Variants in ZC3H12B observed in about 807,000 individuals in gnomAD.
ZC3H12B encodes probable ribonuclease ZC3H12B.
In ZC3H12B, 7 loss-of-function variants were observed where a neutral mutation model predicts 43.9. The ratio of observed to expected loss-of-function variants is 0.16; its 90% CI spans 0.09 to 0.30. The LOEUF (loss-of-function observed/expected upper bound fraction) is 0.30, where lower values mean the gene tolerates loss of function less well. ZC3H12B is among the 10% of genes least tolerant of loss of function. ZC3H12B has a pLI of 1.00. For missense variants in ZC3H12B, 475 were observed against 670.2 expected (o/e 0.71, Z 3.22); for synonymous variants, 222 against 241.7 (o/e 0.92, Z 0.76).
At chrX:65,444,195 A>G (rs1284199971) in intron 3 of ZC3H12B, among the ~76,000 whole-genome samples, 2 of 112,062 alleles carry the variant, frequency 1.8e-5, no homozygotes, top group African/African-American at 6.5e-5. Flanking sequence ...TGAGACTGCC[A>G]TGAGGCTTGC....
the ZC3H12B span, among the ~76,000 whole-genome samples, chrX:65,086,106 A>C: frequency 9.8e-6 from 1 of 102,305 alleles, no homozygotes; most frequent in Non-Finnish European, 2.0e-5. Context: ...TTTATCTGTC[A>C]TGTCTTTTTG....
At chrX:65,214,030 A>G in the ZC3H12B span, among the ~76,000 whole-genome samples, 1 of 111,271 alleles carries the variant, frequency 9.0e-6, no homozygotes, top group Non-Finnish European at 1.9e-5. Context: ...TTAGTGTGAA[A>G]TAGCATTGTG....
At chrX:65,329,631 A>T in the ZC3H12B span, among the ~76,000 whole-genome samples, 1 of 110,504 alleles carries the variant, frequency 9.0e-6, no homozygotes, top group Non-Finnish European at 1.9e-5. Context: ...GCCCATGCCT[A>T]TGTCCTGAAT....
exon 1 of ZC3H12B, chrX:65,366,709 C>A (rs1003137703): frequency 7.1e-5 from 8 of 111,937 alleles, no homozygotes; most frequent in African/African-American, 2.6e-4. Context: ...CCAGGTGATA[C>A]TTGAAAGAAG....
intron 4 of ZC3H12B, among the ~76,000 whole-genome samples, chrX:65,501,455 A>G (rs1243885420): frequency 9.1e-6 from 1 of 109,682 alleles, no homozygotes; most frequent in East Asian, 2.9e-4. Context: ...GGGTTTCACA[A>G]TGTTGCCCAA....
the ZC3H12B span, among the ~76,000 whole-genome samples, chrX:65,100,765 C>T: frequency 9.1e-6 from 1 of 109,441 alleles, no homozygotes; most frequent in African/African-American, 3.3e-5. Flanking sequence ...TTCATAGAGA[C>T]CTACAAAGAG....
At chrX:65,038,974 A>T in the ZC3H12B span, among the ~76,000 whole-genome samples, 1 of 111,521 alleles carries the variant, frequency 9.0e-6, no homozygotes, top group Non-Finnish European at 1.9e-5. Flanking sequence ...TCTTTTTCCC[A>T]GCAATTCTTT....
chrX:65,348,408 C>T, the ZC3H12B span, among the ~76,000 whole-genome samples: 1 of 111,492 alleles, frequency 9.0e-6, no homozygotes, highest in Non-Finnish European at 1.9e-5. Flanking sequence ...ACTCCAGAAA[C>T]ATACCAAATT....
At chrX:65,213,992 A>T in the ZC3H12B span, among the ~76,000 whole-genome samples, 3 of 111,156 alleles carry the variant, frequency 2.7e-5, no homozygotes, top group African/African-American at 9.8e-5. Context: ...TACAAATAAA[A>T]GTTATGTTTA....
At chrX:65,140,322 T>G in the ZC3H12B span, among the ~76,000 whole-genome samples, 1 of 111,689 alleles carries the variant, frequency 9.0e-6, no homozygotes, top group East Asian at 2.8e-4. Flanking sequence ...TTGAATTTTG[T>G]TGAATGCCTT....
the ZC3H12B span, among the ~76,000 whole-genome samples, chrX:65,251,285 C>G: frequency 7.2e-5 from 8 of 111,202 alleles, no homozygotes; most frequent in Non-Finnish European, 1.5e-4. Flanking sequence ...CTGTTCTGTT[C>G]CATTGGTCTA....
At chrX:65,291,646 G>T in the ZC3H12B span, among the ~76,000 whole-genome samples, 1 of 111,628 alleles carries the variant, frequency 9.0e-6, no homozygotes, top group African/African-American at 3.2e-5. Context: ...AGTGGGTGCT[G>T]GTGAGAATGG....
At chrX:65,439,951 G>A (rs889836206) in intron 3 of ZC3H12B, among the ~76,000 whole-genome samples, 4 of 110,781 alleles carry the variant, frequency 3.6e-5, no homozygotes, top group East Asian at 2.8e-4. Flanking sequence ...TATCCAAATC[G>A]GCTGTTGATT....
At chrX:65,339,746 C>T in the ZC3H12B span, among the ~76,000 whole-genome samples, 1 of 111,426 alleles carries the variant, frequency 9.0e-6, no homozygotes, top group African/African-American at 3.3e-5. Context: ...CAGATCATAG[C>T]TCTTGCAATG....
At chrX:65,143,338 A>G in the ZC3H12B span, among the ~76,000 whole-genome samples, 1 of 110,949 alleles carries the variant, frequency 9.0e-6, no homozygotes, top group African/African-American at 3.3e-5. Flanking sequence ...TTTGTCATAG[A>G]TGGCTTTTAT....
chrX:65,336,635 A>G, the ZC3H12B span, among the ~76,000 whole-genome samples: 1 of 112,183 alleles, frequency 8.9e-6, no homozygotes, highest in Non-Finnish European at 1.9e-5. Context: ...TGAGTAACAG[A>G]AAATATACAA....
At chrX:65,322,995 A>G in the ZC3H12B span, among the ~76,000 whole-genome samples, 1 of 112,040 alleles carries the variant, frequency 8.9e-6, no homozygotes, top group African/African-American at 3.2e-5. Context: ...GAATTATTAT[A>G]AAGTTCATTT....
At chrX:65,328,687 A>C in the ZC3H12B span, among the ~76,000 whole-genome samples, 1 of 80,705 alleles carries the variant, frequency 1.2e-5, no homozygotes, top group African/African-American at 4.5e-5. Flanking sequence ...TCCTAATGCT[A>C]TCCCTCCCCC....
intron 2 of ZC3H12B, 63 bp from the exon 5 acceptor site, chrX:65,398,530 T>G (rs1440423850): frequency 1.8e-5 from 2 of 111,213 alleles, no homozygotes; most frequent in African/African-American, 6.5e-5. Context: ...TCTTATGAGA[T>G]CTGATGGCTT....
Sources: allele counts gnomAD v4.1 joint callset (sites outside exome capture counted in the v4.1 genomes callset), GRCh38; gene constraint gnomAD v4.1.1; transcripts MANE v1.5; gene names NCBI Gene and HGNC (gene_info 2026-07-23, HGNC 2026-07-21).